The following PCDHGB3 variants were observed in gnomAD, a reference collection of about 807,000 sequenced individuals.
The protein encoded by PCDHGB3 is protocadherin gamma subfamily B, 3.
PCDHGB3 carries 40 observed loss-of-function variants against 59.2 expected under a neutral mutation model. The ratio of observed to expected loss-of-function variants is 0.68; its 90% CI spans 0.52 to 0.88. The LOEUF is 0.88. Among genes scored for constraint, PCDHGB3 ranks in the 40% least tolerant of loss-of-function variants. The pLI is 0.00. For synonymous variants in PCDHGB3, 581 were observed against 503.6 expected (o/e 1.15, Z -2.06); for missense variants, 1,309 against 1,187.9 (o/e 1.10, Z -1.50).
intron 1 of PCDHGB3, chr5:141,384,552 C>T (rs752995629): frequency 3.7e-6 from 6 of 1,614,148 alleles, no homozygotes; most frequent in Admixed American, 3.3e-5. Flanking sequence ...TGAGCCTGTT[C>T]GTGCTGGACC....
intron 1 of PCDHGB3, chr5:141,385,234 C>T: frequency 1.2e-6 from 2 of 1,614,178 alleles, no homozygotes; most frequent in African/African-American, 1.3e-5. Context: ...TGTAGACATG[C>T]TCATCAGCCA....
chr5:141,393,858 A>C lies in PCDHGB3; in HGVS notation c.2415+21049A>C, dbSNP rs777304987. 5 of 1,613,912 alleles carry C rather than the reference A, an allele frequency of 3.1e-6. No homozygotes were observed. The South Asian group carries it at 3.3e-5, about 11-fold the overall frequency. Reference sequence around the variant, plus strand: ...AAATGACAATAGACCAGAAGTGATCATTACGTCTTTGTTTAGCCCAGTGTT... The same window carrying C: ...AAATGACAATAGACCAGAAGTGATCCTTACGTCTTTGTTTAGCCCAGTGTT... On this transcript the variant is annotated intron_variant, in intron 1 of 3. Coordinates refer to ENST00000576222, the MANE Select transcript of PCDHGB3 (RefSeq NM_018924.5).
intron 1 of PCDHGB3, among the ~76,000 whole-genome samples, chr5:141,425,159 G>C (rs557552439): frequency 6.6e-6 from 1 of 152,126 alleles, no homozygotes; most frequent in South Asian, 2.1e-4. Context: ...AGCATCTAGG[G>C]ATAGGATTTA....
chr5:141,410,517 C>A, intron 1 of PCDHGB3: 1 of 1,613,926 alleles, frequency 6.2e-7, no homozygotes, highest in Non-Finnish European at 8.5e-7. Context: ...TGCAGTGTGC[C>A]CCTACATTCC....
At chr5:141,431,000 A>G (rs1272572092) in intron 1 of PCDHGB3, 4 of 1,613,898 alleles carry the variant, frequency 2.5e-6, no homozygotes, top group African/African-American at 1.3e-5. Flanking sequence ...GAATCCGCGC[A>G]GCGGCAGCTT....
At chr5:141,441,746 C>CGTCAA in intron 1 of PCDHGB3, 1 of 371,314 alleles carries the variant, frequency 2.7e-6, no homozygotes, top group Non-Finnish European at 5.4e-6. Context: ...TCGCGCTCGG[C>CGTCAA]GTCAACGTGA....
Position 141,370,659 on chromosome 5 carries a change from C to A in PCDHGB3, c.265C>A (p.Arg89Ser). ...AAATGGGAACTTACTTGTGAGCGAC[C>A]GTATAGACCGAGAGGAGATTTGTGG... ...PENGNLLVSDRIDREEICGKK... is the reference protein window; with the variant it reads ...PENGNLLVSDSIDREEICGKK... Residue 89 changes from arginine (R) to serine (S), a missense_variant, in exon 1 of 4, where the codon CGT becomes AGT. Transcript: ENST00000576222. 6.2e-7 allele frequency: 1 copy of A among 1,613,780 alleles called. No homozygotes were observed. The highest frequency in any genetic ancestry group is 1.7e-5 in the Admixed American group (1 of 60,016).
chr5:141,393,250 C>G, intron 1 of PCDHGB3: 11 of 1,613,824 alleles, frequency 6.8e-6, no homozygotes, highest in South Asian at 1.1e-5. Flanking sequence ...AACGAAATCG[C>G]GGTTCCTGGA....
At chr5:141,383,723 G>A in intron 1 of PCDHGB3, 1 of 1,613,946 alleles carries the variant, frequency 6.2e-7, no homozygotes. Context: ...GGAGTCAATG[G>A]GGAAGTGACA....
rs1232672788 is a variant in PCDHGB3, at chr5:141,431,315, G to A, written c.2415+58506G>A. The A allele has an allele frequency of 6.2e-7, 1 of 1,614,080 alleles. No individual in the cohort carries two copies. Among genetic ancestry groups the A allele is most frequent in the South Asian group, 1.1e-5 (1 of 91,078 alleles). On this transcript the variant is annotated intron_variant, in intron 1 of 3. Coordinates refer to ENST00000576222, the MANE Select transcript of PCDHGB3 (RefSeq NM_018924.5). The surrounding 1 kb of genome is among the most constrained non-coding windows in gnomAD (Gnocchi z 4.8). ...CTTCTCCCTCATCGTGCAAAATGGAGCCGACGGTAGTAAGTACCCCGAATT... is the reference window on the plus strand; with the variant it reads ...CTTCTCCCTCATCGTGCAAAATGGAACCGACGGTAGTAAGTACCCCGAATT...
At chr5:141,400,668 G>A in intron 1 of PCDHGB3, 3 of 970,702 alleles carry the variant, frequency 3.1e-6, no homozygotes, top group Non-Finnish European at 4.6e-6. Context: ...TCTTTAAGAG[G>A]AGCAGTAAAT....
intron 1 of PCDHGB3, chr5:141,375,274 A>G: frequency 1.9e-6 from 3 of 1,613,898 alleles, no homozygotes; most frequent in Non-Finnish European, 2.5e-6. Context: ...TGGAAAAATC[A>G]GTTGGCAATT....
At chr5:141,450,831 T>TA (rs761717068) in intron 1 of PCDHGB3, among the ~76,000 whole-genome samples, 7,796 of 144,584 alleles carry the variant, frequency 0.054, 354 homozygotes, top group African/African-American at 0.12. Context: ...TTATTATTAT[T>TA]TTTTTTTTTT....
chr5:141,414,946 C>T, intron 1 of PCDHGB3: 1 of 1,614,102 alleles, frequency 6.2e-7, no homozygotes, highest in East Asian at 2.2e-5. Context: ...GCCCGGCTAC[C>T]TGGTGACCAA....
At position 141,420,019 on chromosome 5, in the gene PCDHGB3, C is replaced by T. The variant is rs2096459006; in HGVS notation, c.2415+47210C>T. 13 of 1,614,072 alleles carry T rather than the reference C, an allele frequency of 8.1e-6. No homozygotes were observed. In the East Asian group the frequency reaches 2.7e-4, roughly 33 times the overall value. On this transcript the variant is annotated intron_variant, in intron 1 of 3. Coordinates refer to ENST00000576222, the MANE Select transcript of PCDHGB3 (RefSeq NM_018924.5). ...CTCTACGCCTGCGACAGTCTTTCAGCCCTACTGCAGGAGACTGCTTTGAGT... is the reference window on the plus strand; with the variant it reads ...CTCTACGCCTGCGACAGTCTTTCAGTCCTACTGCAGGAGACTGCTTTGAGT...
intron 1 of PCDHGB3, chr5:141,388,545 C>G: frequency 6.2e-7 from 1 of 1,613,798 alleles, no homozygotes. Flanking sequence ...TGGAGCTCCA[C>G]CCCTAAGCAG....
intron 1 of PCDHGB3, chr5:141,377,664 C>T (rs1042522537): frequency 6.6e-6 from 1 of 151,600 alleles, no homozygotes; most frequent in South Asian, 2.1e-4. Context: ...AAACGACAGA[C>T]GTTCATACAA....
chr5:141,450,181 C>A (rs2098672863), intron 1 of PCDHGB3, among the ~76,000 whole-genome samples: 1 of 151,572 alleles, frequency 6.6e-6, no homozygotes, highest in African/African-American at 2.4e-5. Flanking sequence ...CCACACCCAG[C>A]TAATTTTTGT....
chr5:141,452,364 A>G (rs1330623001), intron 1 of PCDHGB3, among the ~76,000 whole-genome samples: 1 of 152,188 alleles, frequency 6.6e-6, no homozygotes, highest in African/African-American at 2.4e-5. Flanking sequence ...GCCTTGCTTC[A>G]TTTTAGTAGG....
Sources: gnomAD v4.1 joint callset for allele counts (sites outside exome capture counted in the v4.1 genomes callset) on GRCh38, gnomAD v4.1.1 for gene constraint, Gnocchi (gnomAD v3.1) non-coding constraint, MANE v1.5 for transcripts, NCBI Gene and HGNC (gene_info 2026-07-23, HGNC 2026-07-21) for gene names.